The following CDH4 variants were observed in gnomAD, a reference collection of about 807,000 sequenced individuals.
The protein encoded by CDH4 is cadherin 4, also known as cadherin-4.
Under a neutral mutation model 86.0 loss-of-function variants are expected in CDH4, and 33 were observed. The ratio of observed to expected loss-of-function variants is 0.38; its 90% CI spans 0.29 to 0.51. The LOEUF (loss-of-function observed/expected upper bound fraction) is 0.51. CDH4 is among the 20% of genes least tolerant of loss of function. CDH4 has a pLI of 0.86. For synonymous variants in CDH4, 555 were observed against 549.4 expected, an observed-to-expected ratio of 1.01 and a Z score of -0.14; for missense variants, 1,114 against 1,307.4, an observed-to-expected ratio of 0.85 and a Z score of 2.28.
chr20:61,504,175 A>G (rs2085724077), intron 2 of CDH4, among the ~76,000 whole-genome samples: 1 of 152,192 alleles, frequency 6.6e-6, no homozygotes, highest in South Asian at 2.1e-4. Flanking sequence ...AGTACTGAAG[A>G]CTGGAGCCTG....
At chr20:61,349,027 G>A (rs1033990763) in intron 2 of CDH4, among the ~76,000 whole-genome samples, 1 of 152,206 alleles carries the variant, frequency 6.6e-6, no homozygotes, top group African/African-American at 2.4e-5. Context: ...TGCCGCAATT[G>A]TTCCTTTATG....
At chr20:61,525,727 C>T (rs80175693) in intron 2 of CDH4, among the ~76,000 whole-genome samples, 2 of 152,278 alleles carry the variant, frequency 1.3e-5, no homozygotes, top group East Asian at 3.9e-4. Flanking sequence ...TCAGAACTCC[C>T]AGGGATTCTG....
chr20:61,672,481 C>T (rs1390830976), intron 2 of CDH4, among the ~76,000 whole-genome samples: 1 of 152,176 alleles, frequency 6.6e-6, no homozygotes, highest in Non-Finnish European at 1.5e-5. Flanking sequence ...ATGTGTTGCA[C>T]AAGAGGGTAG....
chr20:61,738,503 A>G (rs2088292833), intron 2 of CDH4: 1 of 151,998 alleles, frequency 6.6e-6, no homozygotes, highest in African/African-American at 2.4e-5. Flanking sequence ...CCAAGGCAGC[A>G]GGCTGGTCTG....
At chr20:61,930,585 C>T (rs2055095228) in intron 13 of CDH4, among the ~76,000 whole-genome samples, 1 of 152,188 alleles carries the variant, frequency 6.6e-6, no homozygotes, top group African/African-American at 2.4e-5. Flanking sequence ...CCAGAACAGG[C>T]GGCAGGCCCC....
chr20:61,625,087 G>A (rs765518195), intron 2 of CDH4, among the ~76,000 whole-genome samples: 2 of 152,136 alleles, frequency 1.3e-5, no homozygotes, highest in Non-Finnish European at 2.9e-5. Flanking sequence ...TGGGCCTCTC[G>A]TGTTGCCCTT....
intron 6 of CDH4, among the ~76,000 whole-genome samples, chr20:61,861,625 G>A (rs1202194295): frequency 1.4e-5 from 1 of 73,458 alleles, no homozygotes; most frequent in African/African-American, 3.2e-5. Context: ...ACAGCAGCTT[G>A]AACAAGTGGA....
At chr20:61,588,311 C>T (rs1600785564) in intron 2 of CDH4, among the ~76,000 whole-genome samples, 1 of 152,326 alleles carries the variant, frequency 6.6e-6, no homozygotes, top group African/African-American at 2.4e-5. Context: ...AGGCGTAGGT[C>T]TCGCAGCCTC....
intron 2 of CDH4, among the ~76,000 whole-genome samples, chr20:61,507,379 T>C (rs1288411803): frequency 6.6e-6 from 1 of 152,148 alleles, no homozygotes; most frequent in Admixed American, 6.5e-5. Context: ...TTAGCTCTTA[T>C]TGGAAGCCAG....
intron 2 of CDH4, among the ~76,000 whole-genome samples, chr20:61,485,809 A>G (rs1209543394): frequency 2.0e-5 from 3 of 152,196 alleles, no homozygotes; most frequent in African/African-American, 7.2e-5. Context: ...CACTTGCCCC[A>G]TACGGGTTTC....
chr20:61,644,603 A>C (rs1481022068), intron 2 of CDH4, among the ~76,000 whole-genome samples: 1 of 152,192 alleles, frequency 6.6e-6, no homozygotes, highest in Admixed American at 6.5e-5. Flanking sequence ...AAGGTCACGG[A>C]GCGGGCTCAG....
chr20:61,826,962 AGTGTGTGTGT>A (rs11470719), intron 4 of CDH4, among the ~76,000 whole-genome samples: 7,316 of 146,038 alleles, frequency 0.05, 213 homozygotes, highest in Non-Finnish European at 0.072. Flanking sequence ...AGAAGGGAAA[AGTGTGTGTGT>A]GTGTGTGTGT....
chr20:61,818,942 G>A (rs56403135), intron 4 of CDH4, among the ~76,000 whole-genome samples: 5,434 of 152,258 alleles, frequency 0.036, 131 homozygotes, highest in African/African-American at 0.071. Flanking sequence ...CTTATCCTGC[G>A]TCCCAGCCTG....
At chr20:61,281,345 G>A (rs1025562560) in intron 2 of CDH4, among the ~76,000 whole-genome samples, 5 of 152,196 alleles carry the variant, frequency 3.3e-5, no homozygotes, top group Non-Finnish European at 5.9e-5. Flanking sequence ...CTTACAAAAG[G>A]GACCCCAGAG....
chr20:61,522,161 G>A (rs909624509), intron 2 of CDH4, among the ~76,000 whole-genome samples: 3 of 152,152 alleles, frequency 2.0e-5, no homozygotes, highest in Non-Finnish European at 2.9e-5. Context: ...AGCTCCCTGC[G>A]TGTCCACCTC....
At chr20:61,400,120 G>C (rs111565164) in intron 2 of CDH4, among the ~76,000 whole-genome samples, 2 of 152,202 alleles carry the variant, frequency 1.3e-5, no homozygotes, top group South Asian at 4.1e-4. Flanking sequence ...GCCCAGGCTG[G>C]CTTCAATCTG....
chr20:61,291,278 T>G (rs958671454), intron 2 of CDH4, among the ~76,000 whole-genome samples: 4 of 152,168 alleles, frequency 2.6e-5, no homozygotes, highest in Admixed American at 6.5e-5. Context: ...TCTTTGCAGT[T>G]GTGATTAAGT....
At chr20:61,655,754 T>C (rs2087180415) in intron 2 of CDH4, among the ~76,000 whole-genome samples, 1 of 152,240 alleles carries the variant, frequency 6.6e-6, no homozygotes, top group Non-Finnish European at 1.5e-5. Context: ...GGCATGGGGA[T>C]GCTGCAGGGT....
chr20:61,334,005 G>T (rs2084602045), intron 2 of CDH4, among the ~76,000 whole-genome samples: 1 of 152,218 alleles, frequency 6.6e-6, no homozygotes, highest in Non-Finnish European at 1.5e-5. Flanking sequence ...AGGCTGAGAA[G>T]GGTAGCCCCT....
Sources: allele counts gnomAD v4.1 joint callset (sites outside exome capture counted in the v4.1 genomes callset), GRCh38; gene constraint gnomAD v4.1.1; transcripts MANE v1.5; gene names NCBI Gene and HGNC (gene_info 2026-07-23, HGNC 2026-07-21).